The following FMN1 variants were observed in gnomAD, a reference collection of about 807,000 sequenced individuals.
The protein encoded by FMN1 is formin-1.
In FMN1, 110 loss-of-function variants were observed where a neutral mutation model predicts 132.4. That is an observed-to-expected ratio of 0.83 (90% CI 0.71 to 0.97). FMN1 has a LOEUF of 0.97. Among genes scored for constraint, FMN1 ranks in the 50% least tolerant of loss-of-function variants. The pLI is 0.00. For synonymous variants in FMN1, 722 were observed against 651.7 expected, an observed-to-expected ratio of 1.11 and a Z score of -1.64; for missense variants, 1,792 against 1,705.3, an observed-to-expected ratio of 1.05 and a Z score of -0.90.
chr15:33,052,500 T>C (rs2037023650), intron 6 of FMN1, among the ~76,000 whole-genome samples: 1 of 152,150 alleles, frequency 6.6e-6, no homozygotes, highest in African/African-American at 2.4e-5. Context: ...ACCAACCAAT[T>C]CTCCAATAGC....
At chr15:33,035,723 C>T (rs537317713) in intron 6 of FMN1, among the ~76,000 whole-genome samples, 1 of 152,326 alleles carries the variant, frequency 6.6e-6, no homozygotes, top group African/African-American at 2.4e-5. Context: ...CATCTATCCC[C>T]ATCTAATATA....
At chr15:32,824,885 C>T (rs891856607) in intron 17 of FMN1, among the ~76,000 whole-genome samples, 7 of 152,226 alleles carry the variant, frequency 4.6e-5, no homozygotes, top group Admixed American at 2.0e-4. Flanking sequence ...TGCTGAACAT[C>T]CTGACATGAA....
In FMN1 at chr15:33,154,039, T is replaced by C. The variant is rs1202653350; in HGVS notation, c.876A>G (p.Gln292=). 2.6e-6 allele frequency: 4 copies of C among 1,536,282 alleles called. No individual in the cohort carries two copies. The highest frequency in any genetic ancestry group is 1.2e-5 in the South Asian group (1 of 84,054). ...RRPPSGLEHQ[Q]TGLSESHQDP... is the part of the protein sequence containing the mutation. The stretch of plus-strand genomic sequence containing the variant: ...CCTGGTGACTTTCAGACAAACCTGT[T>C]TGCTGATGCTCCAGCCCGCTCGGCG... Residue 292 remains glutamine, a synonymous_variant, in exon 4 of 21, where the codon CAA becomes CAG. Coordinates refer to ENST00000616417, the MANE Select transcript of FMN1 (RefSeq NM_001277313.2).
chr15:32,837,669 G>T (rs2058658535), intron 17 of FMN1, among the ~76,000 whole-genome samples: 1 of 152,196 alleles, frequency 6.6e-6, no homozygotes, highest in Non-Finnish European at 1.5e-5. Context: ...CATTTGATCA[G>T]CTATATCTAA....
chr15:33,034,068 A>T (rs558514550), intron 6 of FMN1, among the ~76,000 whole-genome samples: 4 of 152,144 alleles, frequency 2.6e-5, no homozygotes, highest in Admixed American at 2.6e-4. Context: ...TCAAAGTTTT[A>T]AACACCAGTT....
rs187134177 is a variant in FMN1 at position 32,899,291 on chromosome 15, G to A, written c.3655-398C>T. ...AAAAAATGTGCGTTCTTAATGGTGT[G>A]AAAAACAATCCAGGCCAGCTTAAAA... is the stretch of plus-strand genomic sequence containing the variant. On this transcript the variant is annotated intron_variant, in intron 14 of 20. Coordinates refer to ENST00000616417, the MANE Select transcript of FMN1 (RefSeq NM_001277313.2). 2.6e-5 allele frequency among the ~76,000 whole-genome samples: 4 copies of A among 152,264 alleles called. No homozygotes were observed. The East Asian group carries it at 7.7e-4, about 29-fold the overall frequency.
chr15:32,995,838 G>A (rs1250350422), intron 7 of FMN1, among the ~76,000 whole-genome samples: 2 of 152,168 alleles, frequency 1.3e-5, no homozygotes, highest in Admixed American at 6.5e-5. Flanking sequence ...ATATTCAGAT[G>A]TTTCCTTCAT....
chr15:32,820,243 A>G lies in FMN1; in HGVS notation c.3929-15911T>C, dbSNP rs1033399303. Among the ~76,000 whole-genome samples the G allele has an allele frequency of 5.3e-5, 8 of 152,278 alleles. No homozygotes were observed. In the East Asian group the frequency reaches 1.5e-3, roughly 29 times the overall value. On this transcript the variant is annotated intron_variant, in intron 17 of 20. Transcript: ENST00000616417. ...CATCTAAAAACTCCCTCTACTATAA[A>G]AAGTGAACTGAGTAACAGAGATTCA...
intron 8 of FMN1, among the ~76,000 whole-genome samples, chr15:32,967,052 C>T (rs567653503): frequency 2.6e-5 from 4 of 152,306 alleles, no homozygotes; most frequent in South Asian, 2.1e-4. Flanking sequence ...CAAATGCGCA[C>T]CAAGCAGGGC....
Position 32,766,530 on chromosome 15 carries a change from A to ACCCCC in FMN1, c.*7775_*7779dup, listed in dbSNP as rs55859863. The ACCCCC allele has an allele frequency of 8.1e-6, 1 of 122,846 alleles. No individual in the cohort carries two copies. Among genetic ancestry groups the ACCCCC allele is most frequent in the Non-Finnish European group, 1.7e-5 (1 of 58,622 alleles). The allele number at this position is 122,846 out of a possible 1,614,324, so 7.6% of individuals were successfully genotyped here. Reference sequence around the variant, plus strand: ...GAAATTGAGAAGGCCTAGAATAAGAACCCCCCCCCCACCCCGCCCAATCTT... The same window carrying ACCCCC: ...GAAATTGAGAAGGCCTAGAATAAGAACCCCCCCCCCCCCCCACCCCGCCCAATCTT... On this transcript the variant is annotated 3_prime_UTR_variant, in exon 21 of 21. Transcript: ENST00000616417.
intron 17 of FMN1, among the ~76,000 whole-genome samples, chr15:32,804,703 C>A (rs1404184312): frequency 4.0e-5 from 6 of 148,794 alleles, no homozygotes; most frequent in Admixed American, 4.0e-4. Flanking sequence ...ATGTTCCCCA[C>A]CCTGTGTCCA....
At chr15:32,849,444 T>A (rs1406325609) in intron 17 of FMN1, among the ~76,000 whole-genome samples, 1 of 151,930 alleles carries the variant, frequency 6.6e-6, no homozygotes, top group African/African-American at 2.4e-5. Context: ...TTAGGGATCC[T>A]CCAGGTCAAT....
intron 5 of FMN1, among the ~76,000 whole-genome samples, chr15:33,069,991 CTCTTT>C (rs2037924159): frequency 1.7e-5 from 1 of 59,554 alleles, no homozygotes; most frequent in African/African-American, 4.9e-5. Context: ...ATCAGTCTTT[CTCTTT>C]TTTTTTTTTT....
In FMN1 at chr15:33,160,795, C is replaced by A. The variant is rs150932480; in HGVS notation, c.-131-5750G>T. 1.5e-3 allele frequency among the ~76,000 whole-genome samples: 229 copies of A among 152,252 alleles called. 1 individual carries two copies. The highest frequency in any genetic ancestry group is 5.4e-3 in the African/African-American group (223 of 41,524). On this transcript the variant is annotated intron_variant, in intron 3 of 20. Coordinates refer to ENST00000616417, the MANE Select transcript of FMN1 (RefSeq NM_001277313.2). ...TTTGCTTCCCAGGGAGTCTTCGTGT[C>A]TTCTATTTCCTCTGACAGGCTCCAG...
rs78149499 is a variant in FMN1, at chr15:33,189,271, T to C, written c.-197+4638A>G. Among the ~76,000 whole-genome samples, 520 of 152,144 alleles carry C rather than the reference T, an allele frequency of 3.4e-3. 32 individuals are homozygous for C. The East Asian group carries it at 0.078, about 23-fold the overall frequency. The stretch of plus-strand genomic sequence containing the variant: ...AAGGTAGAGGATGCTACAATAGAAA[T>C]AGAAATAAAGAGAGATGGGGACATT... On this transcript the variant is annotated intron_variant, in intron 2 of 20. Transcript: ENST00000616417.
intron 6 of FMN1, among the ~76,000 whole-genome samples, chr15:33,048,229 T>G (rs1326897664): frequency 1.3e-5 from 2 of 152,190 alleles, no homozygotes; most frequent in African/African-American, 4.8e-5. Flanking sequence ...AATTGTTCAG[T>G]TAACCTATTT....
At chr15:33,160,228 C>A (rs1964834574) in intron 3 of FMN1, among the ~76,000 whole-genome samples, 1 of 152,076 alleles carries the variant, frequency 6.6e-6, no homozygotes, top group African/African-American at 2.4e-5. Flanking sequence ...CCTAGGCTGG[C>A]CACTGGGTGG....
chr15:33,094,162 G>C (rs2038997350), intron 4 of FMN1, among the ~76,000 whole-genome samples: 1 of 152,204 alleles, frequency 6.6e-6, no homozygotes, highest in Admixed American at 6.5e-5. Flanking sequence ...TCCTGGCTGT[G>C]ACCTTTACTA....
intron 19 of FMN1, among the ~76,000 whole-genome samples, chr15:32,786,707 T>C (rs942965793): frequency 2.0e-5 from 3 of 152,208 alleles, no homozygotes; most frequent in African/African-American, 7.2e-5. Context: ...GGCAACGTTT[T>C]GATCTTTTTC....
Sources: allele counts gnomAD v4.1 joint callset (sites outside exome capture counted in the v4.1 genomes callset), GRCh38; gene constraint gnomAD v4.1.1; transcripts MANE v1.5; gene names NCBI Gene and HGNC (gene_info 2026-07-23, HGNC 2026-07-21).